P4HA1: variants seen among roughly 807,000 people sequenced by gnomAD.
P4HA1 encodes the protein prolyl 4-hydroxylase subunit alpha-1.
Under a neutral mutation model 72.8 loss-of-function variants are expected in P4HA1, and 24 were observed. The observed-to-expected ratio is 0.33, with a 90% CI of 0.24 to 0.46. The LOEUF is 0.46. Among genes scored for constraint, P4HA1 ranks in the 20% least tolerant of loss-of-function variants. The pLI is 1.00. For missense variants in P4HA1, 446 were observed against 640.6 expected, an observed-to-expected ratio of 0.70 and a Z score of 3.28; for synonymous variants, 201 against 218.8, an observed-to-expected ratio of 0.92 and a Z score of 0.72.
intron 6 of P4HA1, among the ~76,000 whole-genome samples, chr10:73,052,760 A>G (rs1841049225): frequency 1.3e-5 from 2 of 152,202 alleles, no homozygotes; most frequent in South Asian, 4.1e-4. Flanking sequence ...TAAACTTATT[A>G]TCATACAAAT....
intron 1 of P4HA1, among the ~76,000 whole-genome samples, chr10:73,092,217 G>A (rs1307985765): frequency 2.6e-5 from 4 of 151,980 alleles, no homozygotes; most frequent in Non-Finnish European, 5.9e-5. Flanking sequence ...TTAATATCTA[G>A]TAAAATGTTA....
At chr10:73,055,031 C>A (rs1172137036) in intron 5 of P4HA1, among the ~76,000 whole-genome samples, 6 of 152,080 alleles carry the variant, frequency 3.9e-5, no homozygotes, top group Non-Finnish European at 7.4e-5. Flanking sequence ...TTGAGACGAA[C>A]CTGGACAACG....
At chr10:73,054,386 G>C (rs1841088160) in intron 5 of P4HA1, among the ~76,000 whole-genome samples, 1 of 152,080 alleles carries the variant, frequency 6.6e-6, no homozygotes, top group Non-Finnish European at 1.5e-5. Flanking sequence ...TTACAGAGTA[G>C]AGCAACCATC....
intron 10 of P4HA1, among the ~76,000 whole-genome samples, chr10:73,025,824 C>G (rs1347112152): frequency 1.3e-5 from 2 of 152,140 alleles, no homozygotes; most frequent in East Asian, 3.8e-4. Flanking sequence ...CAATAACAGA[C>G]AGAGAGCCAA....
intron 5 of P4HA1, among the ~76,000 whole-genome samples, chr10:73,058,859 C>A (rs1328968885): frequency 6.7e-6 from 1 of 149,646 alleles, no homozygotes; most frequent in Admixed American, 6.6e-5. Flanking sequence ...ACTGCAACCT[C>A]CGTGCCCCGC....
chr10:73,014,667 T>G (rs1169257294), intron 11 of P4HA1, among the ~76,000 whole-genome samples: 2 of 152,210 alleles, frequency 1.3e-5, no homozygotes, highest in Admixed American at 1.3e-4. Context: ...AGCCATTATC[T>G]GCAAGCTACA....
rs368696040 is a variant in P4HA1 at position 73,078,950 on chromosome 10, CTATAA to C, written c.-32-4040_-32-4036del. Reference sequence around the variant, plus strand: ...TATATCTCTGTATTTTCCAGACCTCCTATAATATATTTTTATAGTGACAAAAAAAT... The same window carrying C: ...TATATCTCTGTATTTTCCAGACCTCCTATATTTTTATAGTGACAAAAAAAT... On this transcript the variant is annotated intron_variant, in intron 1 of 14. Coordinates refer to ENST00000394890, the MANE Select transcript of P4HA1 (RefSeq NM_001017962.3). Among the ~76,000 whole-genome samples the C allele has an allele frequency of 2.4e-3, 369 of 152,074 alleles. 1 individual carries two copies. Among genetic ancestry groups the C allele is most frequent in the African/African-American group, 8.3e-3 (346 of 41,488 alleles).
chr10:73,037,557 ATATATATATATATATT>A (rs1479541977), intron 9 of P4HA1, among the ~76,000 whole-genome samples: 35 of 32,666 alleles, frequency 1.1e-3, no homozygotes, highest in African/African-American at 2.5e-3. Context: ...ATATATATAT[ATATATATATATATATT>A]TTTTTTTTTT....
At chr10:73,027,040 T>C (rs1045805925) in intron 10 of P4HA1, among the ~76,000 whole-genome samples, 3 of 152,192 alleles carry the variant, frequency 2.0e-5, no homozygotes, top group African/African-American at 7.2e-5. Context: ...GACAGTGTGG[T>C]GATTTCTCAA....
At chr10:73,083,095 C>T (rs752659604) in intron 1 of P4HA1, among the ~76,000 whole-genome samples, 53 of 152,144 alleles carry the variant, frequency 3.5e-4, no homozygotes, top group Non-Finnish European at 7.2e-4. Context: ...CTTGGCATGT[C>T]TTTTCCATCT....
chr10:73,031,792 A>T (rs1840439055), intron 9 of P4HA1, among the ~76,000 whole-genome samples: 1 of 152,208 alleles, frequency 6.6e-6, no homozygotes, highest in Non-Finnish European at 1.5e-5. Context: ...TGATACGGGA[A>T]CTATATCTCA....
At chr10:73,081,637 A>C (rs1445618307) in intron 1 of P4HA1, among the ~76,000 whole-genome samples, 2 of 152,188 alleles carry the variant, frequency 1.3e-5, no homozygotes, top group Non-Finnish European at 2.9e-5. Flanking sequence ...CAGATCTTAA[A>C]AGTTCTACCA....
chr10:73,079,145 T>A (rs1178329115), intron 1 of P4HA1, among the ~76,000 whole-genome samples: 1 of 152,208 alleles, frequency 6.6e-6, no homozygotes. Flanking sequence ...TACATTTCAC[T>A]TTCTCTTTTT....
chr10:73,019,731 A>G (rs1439578438), intron 10 of P4HA1, among the ~76,000 whole-genome samples: 1 of 15,522 alleles, frequency 6.4e-5, no homozygotes, highest in South Asian at 2.7e-3. Context: ...TCTGTCTCAG[A>G]AAAAAAAAAA....
chr10:73,095,060 T>C (rs923555495), intron 1 of P4HA1, among the ~76,000 whole-genome samples: 1 of 152,036 alleles, frequency 6.6e-6, no homozygotes, highest in Non-Finnish European at 1.5e-5. Flanking sequence ...TAAGAAACAT[T>C]TGTCATCAGC....
At chr10:73,043,888 T>C (rs200350484) in intron 9 of P4HA1, 3 of 1,603,540 alleles carry the variant, frequency 1.9e-6, no homozygotes, top group Non-Finnish European at 2.6e-6. Context: ...CTCCCTTACC[T>C]CTTAGATACT....
intron 9 of P4HA1, among the ~76,000 whole-genome samples, chr10:73,031,372 C>A (rs1394134793): frequency 2.6e-5 from 4 of 152,160 alleles, no homozygotes; most frequent in African/African-American, 9.7e-5. Context: ...GTAATTCCAG[C>A]TACTCTGGCA....
At chr10:73,034,828 G>T (rs1840531809) in intron 9 of P4HA1, among the ~76,000 whole-genome samples, 1 of 151,954 alleles carries the variant, frequency 6.6e-6, no homozygotes, top group South Asian at 2.1e-4. Flanking sequence ...CAATCTGCCT[G>T]CCTCAGCCTC....
chr10:73,042,982 C>T (rs370873944), intron 9 of P4HA1, among the ~76,000 whole-genome samples: 2 of 152,050 alleles, frequency 1.3e-5, no homozygotes, highest in Non-Finnish European at 2.9e-5. Context: ...TTATTTATCA[C>T]ATTATACTTA....
Sources: allele counts gnomAD v4.1 joint callset (sites outside exome capture counted in the v4.1 genomes callset), GRCh38; gene constraint gnomAD v4.1.1; transcripts MANE v1.5; gene names NCBI Gene and HGNC (gene_info 2026-07-23, HGNC 2026-07-21).